Variants in CAMK2B observed in about 807,000 individuals in gnomAD.
CAMK2B encodes calcium/calmodulin dependent protein kinase II beta.
CAMK2B carries 27 observed loss-of-function variants against 93.7 expected under a neutral mutation model. The observed-to-expected ratio is 0.29, with a 90% CI of 0.21 to 0.40. The LOEUF (loss-of-function observed/expected upper bound fraction) is 0.40, where lower values mean the gene tolerates loss of function less well. Ranked by LOEUF, CAMK2B falls within the 10% of genes least tolerant of loss-of-function variation. The pLI is 1.00. For synonymous variants in CAMK2B, 374 were observed against 358.8 expected (o/e 1.04, Z -0.48); for missense variants, 568 against 895.8 (o/e 0.63, Z 4.67).
intron 16 of CAMK2B, among the ~76,000 whole-genome samples, chr7:44,232,597 C>T (rs977999061): frequency 8.5e-5 from 13 of 152,198 alleles, no homozygotes; most frequent in African/African-American, 2.7e-4. Context: ...ACATGGGGAC[C>T]GGGCGCAACT....
chr7:44,241,910 G>T, intron 10 of CAMK2B, 127 bp from the exon 11 acceptor site: 2 of 760,374 alleles, frequency 2.6e-6, no homozygotes, highest in Admixed American at 4.5e-5. Context: ...TGCGGCAAGG[G>T]TTGTCTGTCC....
intron 1 of CAMK2B, among the ~76,000 whole-genome samples, chr7:44,315,416 C>T (rs148742683): frequency 6.6e-6 from 1 of 152,288 alleles, no homozygotes; most frequent in African/African-American, 2.4e-5. Flanking sequence ...ACTCTCAATC[C>T]TATTTCACTG....
At chr7:44,262,668 C>T (rs1198371808) in intron 3 of CAMK2B, among the ~76,000 whole-genome samples, 1 of 152,136 alleles carries the variant, frequency 6.6e-6, no homozygotes, top group Non-Finnish European at 1.5e-5. Context: ...AGGAATGTGT[C>T]CTTTACCTTC....
At chr7:44,283,438 G>A (rs895688093) in intron 2 of CAMK2B, among the ~76,000 whole-genome samples, 1 of 152,242 alleles carries the variant, frequency 6.6e-6, no homozygotes, top group African/African-American at 2.4e-5. Flanking sequence ...CTGGAGGCCC[G>A]TGATGGGGCA....
intron 1 of CAMK2B, among the ~76,000 whole-genome samples, chr7:44,323,202 G>A (rs1473765700): frequency 6.6e-6 from 1 of 152,250 alleles, no homozygotes; most frequent in Non-Finnish European, 1.5e-5. Flanking sequence ...GCCTAGCAGG[G>A]CTCCACAAAG....
At chr7:44,321,024 A>G (rs1795939281) in intron 1 of CAMK2B, among the ~76,000 whole-genome samples, 1 of 152,172 alleles carries the variant, frequency 6.6e-6, no homozygotes, top group Non-Finnish European at 1.5e-5. Flanking sequence ...GAGCAGCCCA[A>G]GGGAGTGAGC....
intron 5 of CAMK2B, among the ~76,000 whole-genome samples, chr7:44,253,431 T>C (rs1037355133): frequency 6.6e-6 from 1 of 152,194 alleles, no homozygotes; most frequent in African/African-American, 2.4e-5. Flanking sequence ...CAGGTTGGCC[T>C]GGAACTCCCG....
chr7:44,312,113 G>C lies in CAMK2B; in HGVS notation c.65+13244C>G, dbSNP rs1007130861. Reference sequence around the variant, plus strand: ...GGAAGAGCCCCACATTTACCCCAGGGCAGTGAGGCCACAGAAACAGCACTG... The same window carrying C: ...GGAAGAGCCCCACATTTACCCCAGGCCAGTGAGGCCACAGAAACAGCACTG... On this transcript the variant is annotated intron_variant, in intron 1 of 23. Coordinates refer to ENST00000395749, the MANE Select transcript of CAMK2B (RefSeq NM_001220.5). This position sits in a 1 kb window ranked among gnomAD's most constrained non-coding sequence, Gnocchi z 4.1. Among the ~76,000 whole-genome samples, 6 of 152,242 alleles carry C rather than the reference G, an allele frequency of 3.9e-5. No homozygotes were observed. The highest frequency in any genetic ancestry group is 1.4e-4 in the African/African-American group (6 of 41,464).
intron 1 of CAMK2B, among the ~76,000 whole-genome samples, chr7:44,291,830 A>G (rs542946081): frequency 2.6e-5 from 4 of 152,186 alleles, no homozygotes; most frequent in Non-Finnish European, 5.9e-5. Flanking sequence ...CGTCAGCAGC[A>G]ATGGAAAACC....
rs1349227085 is a variant in CAMK2B at position 44,325,470 on chromosome 7, G to A, written c.-49C>T. 5 of 1,004,432 alleles carry A rather than the reference G, an allele frequency of 5.0e-6. No homozygotes were observed. The highest frequency in any genetic ancestry group is 5.9e-5 in the Admixed American group (1 of 16,894). 62.2% of individuals were successfully genotyped at this position (1,004,432 alleles called of 1,614,324 possible). A position where few individuals can be genotyped will look rare whatever the true frequency, so the allele number is the denominator to read the frequency against. ...TGCGCTCGGCTGCGCTCGGGCGGCG[G>A]CGACTCCGGCTCCCGCTCGCGGGCA... On this transcript the variant is annotated 5_prime_UTR_variant, in exon 1 of 24. Coordinates refer to ENST00000395749, the MANE Select transcript of CAMK2B (RefSeq NM_001220.5).
At chr7:44,264,161 C>G (rs929805208) in intron 2 of CAMK2B, among the ~76,000 whole-genome samples, 6 of 152,124 alleles carry the variant, frequency 3.9e-5, no homozygotes, top group African/African-American at 1.4e-4. Context: ...GACAAGACCT[C>G]GGGGATGCCT....
intron 2 of CAMK2B, among the ~76,000 whole-genome samples, chr7:44,282,769 C>A (rs1012354278): frequency 7.9e-5 from 12 of 152,264 alleles, no homozygotes; most frequent in African/African-American, 2.7e-4. Flanking sequence ...TCACTGTAAA[C>A]TGCAGGCCAC....
intron 4 of CAMK2B, among the ~76,000 whole-genome samples, chr7:44,256,231 T>C (rs1157700716): frequency 1.3e-5 from 2 of 152,264 alleles, no homozygotes; most frequent in Non-Finnish European, 2.9e-5. Flanking sequence ...CAGGGTCATC[T>C]GGCCGGGCTC....
At chr7:44,287,419 C>T (rs1200159178) in intron 1 of CAMK2B, among the ~76,000 whole-genome samples, 6 of 152,196 alleles carry the variant, frequency 3.9e-5, no homozygotes, top group Non-Finnish European at 8.8e-5. Context: ...GCCATCTCCC[C>T]GGGGAACTTG....
rs560696339 is a variant in CAMK2B at position 44,260,414 on chromosome 7, C to T, written c.221-1488G>A. Among the ~76,000 whole-genome samples, 276 of 152,286 alleles carry T rather than the reference C, an allele frequency of 1.8e-3. 4 individuals are homozygous for T. Among genetic ancestry groups the T allele is most frequent in the Non-Finnish European group, 4.4e-4 (30 of 68,014 alleles). On this transcript the variant is annotated intron_variant, in intron 3 of 23. Coordinates refer to ENST00000395749, the MANE Select transcript of CAMK2B (RefSeq NM_001220.5). ...ATGGCCCTCCTTAGCTCCTAAACCT[C>T]AGGCAAAATGCCCTCCACCAAGGGC...
At position 44,220,263 on chromosome 7, in the gene CAMK2B, C is replaced by T. The variant is rs200808092; in HGVS notation, c.1800G>A (p.Thr600=). The change falls in exon 23 of 24, where the codon ACG becomes ACA. Residue 600 remains threonine (T), a synonymous_variant. Coordinates refer to ENST00000395749, the MANE Select transcript of CAMK2B (RefSeq NM_001220.5). Reference sequence around the variant, plus strand: ...CGTGCACGTGTGGGTTCAGGATGGTCGTGTGGATCGGCTTGCTGTTCTTGG... The same window carrying T: ...CGTGCACGTGTGGGTTCAGGATGGTTGTGTGGATCGGCTTGCTGTTCTTGG... ...LLAKNSKPIH[T]TILNPHVHVI... 8.1e-6 allele frequency: 13 copies of T among 1,613,156 alleles called. No homozygotes were observed. The highest frequency in any genetic ancestry group is 1.6e-4 in the Middle Eastern group (1 of 6,062).
At chr7:44,269,104 G>A (rs2096947835) in intron 2 of CAMK2B, among the ~76,000 whole-genome samples, 1 of 152,220 alleles carries the variant, frequency 6.6e-6, no homozygotes. Context: ...GAGCTGACGG[G>A]AAGGACATTC....
chr7:44,317,573 G>A (rs1795117655), intron 1 of CAMK2B, among the ~76,000 whole-genome samples: 1 of 152,140 alleles, frequency 6.6e-6, no homozygotes, highest in African/African-American at 2.4e-5. Context: ...ACGAGCCACC[G>A]CACCAGGCCT....
At chr7:44,237,501 C>T (rs936695708) in intron 13 of CAMK2B, among the ~76,000 whole-genome samples, 1 of 152,216 alleles carries the variant, frequency 6.6e-6, no homozygotes, top group African/African-American at 2.4e-5. Context: ...CTTGTGAACC[C>T]GCTTTTAAAA....
Sources: gnomAD v4.1 joint callset for allele counts (sites outside exome capture counted in the v4.1 genomes callset) on GRCh38, gnomAD v4.1.1 for gene constraint, Gnocchi (gnomAD v3.1) non-coding constraint, MANE v1.5 for transcripts, NCBI Gene and HGNC (gene_info 2026-07-23, HGNC 2026-07-21) for gene names.